The following CDH8 variants were observed in gnomAD, a reference collection of about 807,000 sequenced individuals.
CDH8 encodes the protein cadherin-8.
CDH8 carries 17 observed loss-of-function variants against 68.1 expected under a neutral mutation model. The ratio of observed to expected loss-of-function variants is 0.25; its 90% CI spans 0.17 to 0.37. CDH8 has a LOEUF of 0.37. Among genes scored for constraint, CDH8 ranks in the 10% least tolerant of loss-of-function variants. The pLI, the probability that CDH8 is intolerant of heterozygous loss-of-function variation, is 1.00. For missense variants in CDH8, 763 were observed against 999.3 expected (o/e 0.76, Z 3.19); for synonymous variants, 372 against 365.1 (o/e 1.02, Z -0.21).
intron 2 of CDH8, among the ~76,000 whole-genome samples, chr16:62,003,095 T>A (rs954724034): frequency 4.6e-5 from 7 of 152,148 alleles, no homozygotes; most frequent in Non-Finnish European, 7.4e-5. Flanking sequence ...CATCCCTTCG[T>A]ACAAAGGTTA....
intron 10 of CDH8, among the ~76,000 whole-genome samples, chr16:61,702,544 T>C (rs1964453721): frequency 6.6e-6 from 1 of 152,146 alleles, no homozygotes; most frequent in African/African-American, 2.4e-5. Flanking sequence ...ACAATTATCA[T>C]GTTGTGATCT....
intron 10 of CDH8, among the ~76,000 whole-genome samples, chr16:61,702,398 A>G (rs988252731): frequency 1.3e-5 from 2 of 152,114 alleles, no homozygotes; most frequent in Admixed American, 1.3e-4. Context: ...AAAAGAAAAA[A>G]GAAAAATAAG....
chr16:61,696,514 T>C (rs1964330291), intron 10 of CDH8, among the ~76,000 whole-genome samples: 1 of 152,180 alleles, frequency 6.6e-6, no homozygotes, highest in Non-Finnish European at 1.5e-5. Flanking sequence ...TTTGTGGGAA[T>C]GTAACTTAAT....
chr16:61,743,685 G>A (rs2142930333), intron 8 of CDH8, among the ~76,000 whole-genome samples: 1 of 151,930 alleles, frequency 6.6e-6, no homozygotes, highest in South Asian at 2.1e-4. Context: ...TCACCTTTCT[G>A]CTACTTTTTA....
At chr16:61,665,509 G>T (rs948606090) in intron 10 of CDH8, among the ~76,000 whole-genome samples, 1 of 151,998 alleles carries the variant, frequency 6.6e-6, no homozygotes, top group African/African-American at 2.4e-5. Flanking sequence ...GTCAGGGGGT[G>T]GGGGGCAAGG....
At chr16:61,728,253 T>A (rs1959432160) in intron 8 of CDH8, among the ~76,000 whole-genome samples, 1 of 46,326 alleles carries the variant, frequency 2.2e-5, no homozygotes, top group Non-Finnish European at 4.7e-5. Context: ...AAAATACTCA[T>A]TTTTTTTTTT....
At chr16:61,708,291 A>T (rs1217398829) in intron 10 of CDH8, among the ~76,000 whole-genome samples, 1 of 152,136 alleles carries the variant, frequency 6.6e-6, no homozygotes, top group Non-Finnish European at 1.5e-5. Flanking sequence ...CACACCTATA[A>T]ACTATAAAAT....
At chr16:61,829,353 C>T (rs1567489920) in intron 4 of CDH8, among the ~76,000 whole-genome samples, 1 of 151,828 alleles carries the variant, frequency 6.6e-6, no homozygotes, top group African/African-American at 2.4e-5. Flanking sequence ...CCAGGCCATA[C>T]TTTTGTCAAT....
intron 8 of CDH8, among the ~76,000 whole-genome samples, chr16:61,750,638 A>G (rs1486301874): frequency 6.6e-6 from 1 of 152,062 alleles, no homozygotes; most frequent in Non-Finnish European, 1.5e-5. Flanking sequence ...TTTTCCTCCA[A>G]CTAAATTATT....
chr16:61,985,897 G>A (rs1272639823), intron 2 of CDH8, among the ~76,000 whole-genome samples: 1 of 139,402 alleles, frequency 7.2e-6, no homozygotes, highest in Non-Finnish European at 1.6e-5. Context: ...CATAATATCT[G>A]TATTTCTTTT....
At chr16:61,757,154 A>T (rs1432981180) in intron 8 of CDH8, among the ~76,000 whole-genome samples, 1 of 152,208 alleles carries the variant, frequency 6.6e-6, no homozygotes, top group Non-Finnish European at 1.5e-5. Context: ...AAAGTAAAAA[A>T]GTTTTAGTGG....
intron 10 of CDH8, among the ~76,000 whole-genome samples, 188 bp downstream of exon 10, chr16:61,713,653 T>G (rs1338463128): frequency 6.6e-6 from 1 of 151,662 alleles, no homozygotes; most frequent in Non-Finnish European, 1.5e-5. Flanking sequence ...AACAAAGTTC[T>G]TATCTATTGC....
chr16:61,893,810 C>T (rs755667683), intron 3 of CDH8, among the ~76,000 whole-genome samples: 25 of 151,960 alleles, frequency 1.6e-4, no homozygotes, highest in Non-Finnish European at 3.4e-4. Context: ...AAACAGAAAT[C>T]GAAAAGTCAA....
intron 8 of CDH8, among the ~76,000 whole-genome samples, chr16:61,773,548 G>T (rs919686001): frequency 2.0e-5 from 3 of 151,952 alleles, no homozygotes; most frequent in Non-Finnish European, 2.9e-5. Flanking sequence ...GGCAAGAATT[G>T]CTCTGTGAGT....
At chr16:61,859,394 A>C (rs908969306) in intron 3 of CDH8, among the ~76,000 whole-genome samples, 8 of 152,232 alleles carry the variant, frequency 5.3e-5, no homozygotes, top group African/African-American at 1.9e-4. Context: ...TCTGCCACCA[A>C]AGCTAAGCCT....
At chr16:61,992,077 T>TGTGTTTGTGTGA (rs34925928) in intron 2 of CDH8, among the ~76,000 whole-genome samples, 10 of 144,246 alleles carry the variant, frequency 6.9e-5, no homozygotes, top group Admixed American at 1.4e-4. Flanking sequence ...TGTGTGTGTG[T>TGTGTTTGTGTGA]GAGAGAGAGA....
intron 2 of CDH8, among the ~76,000 whole-genome samples, chr16:61,976,860 T>C (rs1965444353): frequency 6.6e-6 from 1 of 152,184 alleles, no homozygotes; most frequent in Admixed American, 6.5e-5. Flanking sequence ...GGTAACTTGT[T>C]ACTTTCATTG....
At chr16:61,689,507 C>A (rs908519765) in intron 10 of CDH8, among the ~76,000 whole-genome samples, 2 of 151,936 alleles carry the variant, frequency 1.3e-5, no homozygotes, top group Non-Finnish European at 2.9e-5. Context: ...CACTTGATTA[C>A]CCCTCCTTAG....
In CDH8 at chr16:61,655,603, G is replaced by A; in HGVS notation, c.1773C>T (p.Thr591=). ...SGNPPLSSTS[T]LTIRVCGCSN... ...TGCAGCCACAGACCCTGATTGTCAAGGTGCTAGTGCTGCTCAGTGGAGGAT... is the reference window on the plus strand; with the variant it reads ...TGCAGCCACAGACCCTGATTGTCAAAGTGCTAGTGCTGCTCAGTGGAGGAT... The change falls in exon 11 of 12, where the codon ACC becomes ACT. Residue 591 remains threonine (T), a synonymous_variant. Transcript: ENST00000577390. 6.2e-7 allele frequency: 1 copy of A among 1,614,176 alleles called. No individual in the cohort carries two copies. The highest frequency in any genetic ancestry group is 8.5e-7 in the Non-Finnish European group (1 of 1,180,024).
Sources: allele counts gnomAD v4.1 joint callset (sites outside exome capture counted in the v4.1 genomes callset), GRCh38; gene constraint gnomAD v4.1.1; transcripts MANE v1.5; gene names NCBI Gene and HGNC (gene_info 2026-07-23, HGNC 2026-07-21).